The following RTCB variants were observed in gnomAD, a reference collection of about 807,000 sequenced individuals.
The protein encoded by RTCB is RNA-splicing ligase RTCB.
In RTCB, 32 loss-of-function variants were observed where a neutral mutation model predicts 58.2. The observed-to-expected ratio is 0.55, with a 90% CI of 0.41 to 0.74. The LOEUF (loss-of-function observed/expected upper bound fraction) is 0.74, where lower values mean the gene tolerates loss of function less well. Among genes scored for constraint, RTCB ranks in the 30% least tolerant of loss-of-function variants. The pLI is 0.00. For synonymous variants in RTCB, 247 were observed against 218.6 expected (o/e 1.13, Z -1.15); for missense variants, 523 against 639.0 (o/e 0.82, Z 1.96).
intron 10 of RTCB, 151 bp from the exon 11 acceptor site, chr22:32,392,510 T>G: frequency 9.9e-7 from 1 of 1,011,748 alleles, no homozygotes; most frequent in Non-Finnish European, 1.5e-6. Context: ...CATATCCTTT[T>G]AGATTTTGGA....
chr22:32,404,669 A>G (rs755734665), intron 4 of RTCB, among the ~76,000 whole-genome samples: 1 of 151,964 alleles, frequency 6.6e-6, no homozygotes, highest in Non-Finnish European at 1.5e-5. Context: ...GGCCTCCCAA[A>G]GTTTTTCTAG....
At chr22:32,395,929 A>C in intron 8 of RTCB, 145 bp downstream of exon 8, 3 of 701,712 alleles carry the variant, frequency 4.3e-6, no homozygotes, top group Admixed American at 2.6e-5. Context: ...TGGATCTCCT[A>C]ACCTTGTGAT....
Position 32,395,181 on chromosome 22 carries a change from C to A in RTCB, c.1024G>T (p.Asp342Tyr). The change falls in exon 9 of 12, where the codon GAC (aspartate) becomes TAC (tyrosine). Residue 342 changes from aspartate (D) to tyrosine (Y), a missense_variant. Physicochemically the swap from Asp to Tyr is radical, Grantham distance 160 (BLOSUM62 -3). Around this residue, in one of 3 missense-constraint regions of RTCB, gnomAD observed 248 missense variants for 292.5 expected, o/e 0.85. Transcript: ENST00000216038. Reference protein sequence around the residue: ...FAKVFNTTPDDLDLHVIYDVS... With the variant: ...FAKVFNTTPDYLDLHVIYDVS... ...TCATAGATCACATGTAGGTCCAAGT[C>A]ATCAGGGGTTGTGTTGAAGACCTTG... 1 of 1,614,154 alleles carries A rather than the reference C, an allele frequency of 6.2e-7. No individual in the cohort carries two copies. The highest frequency in any genetic ancestry group is 1.1e-5 in the South Asian group (1 of 91,062).
intron 3 of RTCB, chr22:32,407,604 T>C (rs16990408): frequency 0.065 from 9,842 of 152,352 alleles, 414 homozygotes; most frequent in African/African-American, 0.11. Flanking sequence ...AAACTTACAA[T>C]GGTGGTGCAC....
intron 6 of RTCB, among the ~76,000 whole-genome samples, chr22:32,398,423 G>A (rs902395390): frequency 5.9e-5 from 9 of 152,072 alleles, no homozygotes; most frequent in Non-Finnish European, 2.9e-5. Flanking sequence ...ATGGACACAG[G>A]GAGGGGAACA....
intron 11 of RTCB, among the ~76,000 whole-genome samples, chr22:32,391,935 A>G (rs1414085520): frequency 2.0e-5 from 3 of 152,214 alleles, no homozygotes; most frequent in Non-Finnish European, 4.4e-5. Flanking sequence ...AAACCTAAGT[A>G]TACAATTGTG....
At chr22:32,394,472 T>G (rs1194862658) in intron 9 of RTCB, among the ~76,000 whole-genome samples, 1 of 152,168 alleles carries the variant, frequency 6.6e-6, no homozygotes, top group African/African-American at 2.4e-5. Context: ...ACTTTGATTC[T>G]TTGATAAATC....
At chr22:32,396,296 T>A in intron 7 of RTCB, 47 bp from the exon 8 acceptor site, 1 of 1,588,264 alleles carries the variant, frequency 6.3e-7, no homozygotes, top group Non-Finnish European at 8.6e-7. Flanking sequence ...TTCCCTTAAA[T>A]GAACAGTTCA....
intron 3 of RTCB, chr22:32,407,632 T>C (rs1281554740): frequency 6.5e-6 from 1 of 152,682 alleles, no homozygotes; most frequent in Non-Finnish European, 1.5e-5. Context: ...GGAATAATGT[T>C]ACCATGATAA....
At chr22:32,411,331 G>A (rs980648756) in intron 1 of RTCB, among the ~76,000 whole-genome samples, 4 of 152,142 alleles carry the variant, frequency 2.6e-5, no homozygotes, top group Non-Finnish European at 5.9e-5. Context: ...AAAAATATGA[G>A]CACAGATGGT....
At chr22:32,408,904 A>G (rs1601432401) in intron 1 of RTCB, 71 bp from the exon 2 acceptor site, 1 of 1,028,526 alleles carries the variant, frequency 9.7e-7, no homozygotes, top group Non-Finnish European at 1.5e-6. Context: ...GACAGAATGC[A>G]CTGTATGCAA....
intron 11 of RTCB, among the ~76,000 whole-genome samples, chr22:32,388,412 G>A (rs957285583): frequency 6.6e-6 from 1 of 151,904 alleles, no homozygotes; most frequent in Non-Finnish European, 1.5e-5. Flanking sequence ...TGGAAGAAAC[G>A]GCACCCAACC....
At chr22:32,410,798 C>G (rs2145900424) in intron 1 of RTCB, among the ~76,000 whole-genome samples, 1 of 151,308 alleles carries the variant, frequency 6.6e-6, no homozygotes, top group South Asian at 2.1e-4. Flanking sequence ...TCACTGCAGC[C>G]AAGATCTCCC....
At chr22:32,394,988 C>T in intron 9 of RTCB, 38 bp downstream of exon 9, 2 of 1,531,626 alleles carry the variant, frequency 1.3e-6, no homozygotes, top group African/African-American at 1.4e-5. Flanking sequence ...CTAAATCGTG[C>T]CCCCACTGCT....
intron 3 of RTCB, 50 bp from the exon 4 acceptor site, chr22:32,406,811 G>T: frequency 7.7e-7 from 1 of 1,304,586 alleles, no homozygotes; most frequent in Non-Finnish European, 1.1e-6. Context: ...CTGCTACCCT[G>T]GATGCCCTGA....
intron 4 of RTCB, among the ~76,000 whole-genome samples, chr22:32,403,736 G>A (rs1240154583): frequency 6.6e-6 from 1 of 152,056 alleles, no homozygotes; most frequent in African/African-American, 2.4e-5. Context: ...AAGTAATTGT[G>A]CTTTTTGCCA....
chr22:32,395,101 C>G lies in RTCB; in HGVS notation c.1104G>C (p.Arg368=). Residue 368 remains arginine, a synonymous_variant, in exon 9 of 12, where the codon CGG becomes CGC. Transcript: ENST00000216038. Reference sequence around the variant, plus strand: ...ATCCCTTCCTGTGTACTAACAGTGTCCGTTCCTTTCCGTCCACCACATGCT... The same window carrying G: ...ATCCCTTCCTGTGTACTAACAGTGTGCGTTCCTTTCCGTCCACCACATGCT... The part of the protein sequence containing the change: ...VEQHVVDGKE[R]TLLVHRKGST... 6.2e-7 allele frequency: 1 copy of G among 1,614,176 alleles called. No individual in the cohort carries two copies. The highest frequency in any genetic ancestry group is 8.5e-7 in the Non-Finnish European group (1 of 1,180,026).
rs1933459831 is a variant in RTCB at position 32,408,192 on chromosome 22, G to A, written c.223C>T (p.Leu75=). ...AMKQIGNVAA[L]PGIVHRSIGL... is the part of the protein sequence containing the mutation. ...TGACTCACATGAACAATTCCAGGCA[G>A]GGCTGCCACATTGCCAATCTGTTTC... The change falls in exon 3 of 12, where the codon CTG becomes TTG. Residue 75 remains leucine, a synonymous_variant. Coordinates refer to ENST00000216038, the MANE Select transcript of RTCB (RefSeq NM_014306.5). 1 of 1,614,178 alleles carries A rather than the reference G, an allele frequency of 6.2e-7. No homozygotes were observed. The highest frequency in any genetic ancestry group is 8.5e-7 in the Non-Finnish European group (1 of 1,179,994).
chr22:32,395,831 A>C (rs905690713), intron 8 of RTCB, among the ~76,000 whole-genome samples: 1 of 152,024 alleles, frequency 6.6e-6, no homozygotes, highest in Non-Finnish European at 1.5e-5. Context: ...AGTAGCTGGG[A>C]CTACATGCAC....
Sources: allele counts gnomAD v4.1 joint callset (sites outside exome capture counted in the v4.1 genomes callset), GRCh38; gene constraint gnomAD v4.1.1; regional missense constraint gnomAD v4.1.1; transcripts MANE v1.5; gene names NCBI Gene and HGNC (gene_info 2026-07-23, HGNC 2026-07-21).